DIAPH3: variants seen among roughly 807,000 people sequenced by gnomAD.
The protein encoded by DIAPH3 is diaphanous related formin 3, also known as protein diaphanous homolog 3.
Under a neutral mutation model 144.3 loss-of-function variants are expected in DIAPH3, and 117 were observed. That is an observed-to-expected ratio of 0.81 (90% CI 0.70 to 0.95). The LOEUF (loss-of-function observed/expected upper bound fraction) is 0.95, where lower values mean the gene tolerates loss of function less well. Ranked by LOEUF, DIAPH3 falls within the 40% of genes least tolerant of loss-of-function variation. DIAPH3 has a pLI of 0.00. For synonymous variants in DIAPH3, 519 were observed against 488.9 expected, an observed-to-expected ratio of 1.06 and a Z score of -0.81; for missense variants, 1,421 against 1,412.7, an observed-to-expected ratio of 1.01 and a Z score of -0.09.
chr13:59,908,580 T>C (rs1223613179), intron 20 of DIAPH3, among the ~76,000 whole-genome samples: 3 of 152,080 alleles, frequency 2.0e-5, no homozygotes, highest in South Asian at 4.1e-4. Context: ...TTATGGAGAA[T>C]TAAAGTTGAT....
chr13:59,792,352 T>C (rs1243834608), intron 25 of DIAPH3, among the ~76,000 whole-genome samples: 2 of 152,180 alleles, frequency 1.3e-5, no homozygotes, highest in East Asian at 1.9e-4. Flanking sequence ...TGGGTCACTG[T>C]CATCTAATCA....
intron 24 of DIAPH3, among the ~76,000 whole-genome samples, chr13:59,813,471 G>A (rs2040596735): frequency 6.6e-6 from 1 of 152,102 alleles, no homozygotes; most frequent in South Asian, 2.1e-4. Context: ...AGATTTGAAA[G>A]CTAGCTACAG....
chr13:59,956,639 C>T (rs1265963217), intron 17 of DIAPH3, among the ~76,000 whole-genome samples: 1 of 152,242 alleles, frequency 6.6e-6, no homozygotes, highest in African/African-American at 2.4e-5. Context: ...CACAAAGTCC[C>T]CACTAGGGCA....
At chr13:59,793,062 G>T (rs571151886) in intron 25 of DIAPH3, among the ~76,000 whole-genome samples, 1 of 152,260 alleles carries the variant, frequency 6.6e-6, no homozygotes, top group East Asian at 1.9e-4. Flanking sequence ...CCTCTGCAAA[G>T]GCCTTCCTTT....
chr13:59,783,055 T>C (rs1385789605), intron 25 of DIAPH3, among the ~76,000 whole-genome samples: 1 of 152,098 alleles, frequency 6.6e-6, no homozygotes, highest in Non-Finnish European at 1.5e-5. Context: ...AGTAACATGG[T>C]CAAATTTCTA....
intron 9 of DIAPH3, among the ~76,000 whole-genome samples, chr13:60,000,636 T>C (rs1389528400): frequency 1.3e-5 from 2 of 152,196 alleles, no homozygotes; most frequent in Non-Finnish European, 1.5e-5. Context: ...AAGTATATAT[T>C]TTAAGTGAGC....
At chr13:60,004,352 A>G (rs533930532) in intron 9 of DIAPH3, among the ~76,000 whole-genome samples, 1 of 152,354 alleles carries the variant, frequency 6.6e-6, no homozygotes, top group Admixed American at 6.5e-5. Context: ...ACAGAGAAAT[A>G]GGTATTTTTA....
chr13:60,067,982 G>T (rs150987289), intron 4 of DIAPH3, among the ~76,000 whole-genome samples: 89 of 152,162 alleles, frequency 5.8e-4, no homozygotes, highest in African/African-American at 1.8e-3. Context: ...CATCTTATAT[G>T]ATTTTCTGCA....
chr13:60,128,876 G>A (rs2138203630), intron 2 of DIAPH3, among the ~76,000 whole-genome samples: 1 of 151,934 alleles, frequency 6.6e-6, no homozygotes, highest in South Asian at 2.1e-4. Flanking sequence ...GTTAAATACT[G>A]GTTTTTAAAC....
intron 4 of DIAPH3, among the ~76,000 whole-genome samples, chr13:60,059,493 A>G (rs911859515): frequency 6.6e-6 from 1 of 152,210 alleles, no homozygotes; most frequent in South Asian, 2.1e-4. Context: ...TTTTAAACAT[A>G]CCACTTAAAA....
At chr13:59,976,646 T>C (rs1046989892) in intron 14 of DIAPH3, among the ~76,000 whole-genome samples, 4 of 151,824 alleles carry the variant, frequency 2.6e-5, no homozygotes, top group East Asian at 1.9e-4. Context: ...ATTCCTGTTA[T>C]GGGTTTCTAC....
intron 25 of DIAPH3, 95 bp from the exon 26 acceptor site, chr13:59,774,918 G>T: frequency 9.8e-7 from 1 of 1,023,074 alleles, no homozygotes; most frequent in Non-Finnish European, 1.5e-6. Flanking sequence ...ATGGTAGGGA[G>T]AAAAAAGATC....
At chr13:59,685,157 G>A (rs1175909911) in intron 27 of DIAPH3, among the ~76,000 whole-genome samples, 1 of 151,930 alleles carries the variant, frequency 6.6e-6, no homozygotes, top group Non-Finnish European at 1.5e-5. Flanking sequence ...AGGGTGGGAA[G>A]GAGATTTTCT....
intron 1 of DIAPH3, among the ~76,000 whole-genome samples, chr13:60,134,539 C>T (rs988703295): frequency 6.6e-6 from 1 of 152,182 alleles, no homozygotes; most frequent in African/African-American, 2.4e-5. Context: ...TGTGAGGCGC[C>T]CTTCCTCTAA....
intron 5 of DIAPH3, among the ~76,000 whole-genome samples, chr13:60,023,000 T>A (rs1013627284): frequency 1.1e-4 from 16 of 152,332 alleles, no homozygotes; most frequent in African/African-American, 3.6e-4. Flanking sequence ...GGTTTTGTTT[T>A]GTTCTATCTT....
At chr13:59,738,268 T>C (rs1422020751) in intron 27 of DIAPH3, among the ~76,000 whole-genome samples, 1 of 152,078 alleles carries the variant, frequency 6.6e-6, no homozygotes, top group Non-Finnish European at 1.5e-5. Context: ...GGGGTCATCT[T>C]AGTAGAGATC....
chr13:59,785,378 C>A (rs2038982318), intron 25 of DIAPH3, among the ~76,000 whole-genome samples: 1 of 152,010 alleles, frequency 6.6e-6, no homozygotes, highest in African/African-American at 2.4e-5. Context: ...ATAGAGCACC[C>A]AAGAGCAAAG....
At chr13:60,119,746 C>CAAA (rs34356415) in intron 2 of DIAPH3, among the ~76,000 whole-genome samples, 62 of 49,510 alleles carry the variant, frequency 1.3e-3, no homozygotes, top group South Asian at 2.0e-3. Context: ...GACTCCGTCT[C>CAAA]AAAAAAAAAA....
chr13:59,893,019 C>T (rs73543275), intron 20 of DIAPH3, among the ~76,000 whole-genome samples: 11,161 of 151,970 alleles, frequency 0.073, 1,361 homozygotes, highest in African/African-American at 0.26. Context: ...AGTTTGTGAA[C>T]GACATAAAAT....
Sources: gnomAD v4.1 joint callset for allele counts (sites outside exome capture counted in the v4.1 genomes callset) on GRCh38, gnomAD v4.1.1 for gene constraint, MANE v1.5 for transcripts, NCBI Gene and HGNC (gene_info 2026-07-23, HGNC 2026-07-21) for gene names.